Variants in ATAD3C observed in about 807,000 individuals in gnomAD.
The protein encoded by ATAD3C is ATPase family AAA domain-containing protein 3C.
Under a neutral mutation model 46.3 loss-of-function variants are expected in ATAD3C, and 38 were observed. The ratio of observed to expected loss-of-function variants is 0.82; its 90% CI spans 0.63 to 1.08. The LOEUF (loss-of-function observed/expected upper bound fraction) is 1.08. ATAD3C is among the 50% of genes least tolerant of loss of function. The pLI, the probability that ATAD3C is intolerant of heterozygous loss-of-function variation, is 0.00. For synonymous variants in ATAD3C, 220 were observed against 236.4 expected (o/e 0.93, Z 0.63); for missense variants, 563 against 572.7 (o/e 0.98, Z 0.17).
rs944765642 is a variant in ATAD3C at position 1,468,909 on chromosome 1, G to A, written c.*379G>A. On this transcript the variant is annotated 3_prime_UTR_variant, in exon 12 of 12. Transcript: ENST00000378785. ...ACACACGGTGGAGGGAAGTGCACGCGAAACAGACACAGCGGCTTCAAATAG... is the reference window on the plus strand; with the variant it reads ...ACACACGGTGGAGGGAAGTGCACGCAAAACAGACACAGCGGCTTCAAATAG... 1.2e-5 allele frequency: 3 copies of A among 255,482 alleles called. No homozygotes were observed. The Admixed American group carries it at 1.6e-4, about 14-fold the overall frequency. 15.8% of individuals were successfully genotyped at this position (255,482 alleles called of 1,614,324 possible).
Position 1,462,132 on chromosome 1 carries a change from G to A in ATAD3C, c.981-468G>A, listed in dbSNP as rs1313213766. Among the ~76,000 whole-genome samples the A allele has an allele frequency of 6.6e-6, 1 of 152,012 alleles. No homozygotes were observed. Among genetic ancestry groups the A allele is most frequent in the Non-Finnish European group, 1.5e-5 (1 of 67,970 alleles). On this transcript the variant is annotated intron_variant, in intron 10 of 11. Transcript: ENST00000378785. This position sits in a 1 kb window ranked among gnomAD's most constrained non-coding sequence, Gnocchi z 4.5. ...GCTGCTCTGTTCCAAAGAGAGCCTG[G>A]TTCTCCCCTGCCGACCCCTCCACTG...
rs1035917147 is a variant in ATAD3C at position 1,457,064 on chromosome 1, C to T, written c.690-65C>T. The T allele has an allele frequency of 5.8e-5, 93 of 1,606,520 alleles. 1 individual carries two copies. The highest frequency in any genetic ancestry group is 2.0e-4 in the Middle Eastern group (1 of 4,924). ...CTGCTTGGCCTGCTCCTGCCATGGC[C>T]GGACGCCGCTGTGGGCTGCTCCTGG... On this transcript the variant is annotated intron_variant, in intron 7 of 11. Transcript: ENST00000378785.
rs760453648 is a variant in ATAD3C at position 1,460,857 on chromosome 1, C to G, written c.920C>G (p.Ala307Gly). Reference protein sequence around the residue: ...HFDLPGQEERARLVRMYLNEY... With the variant: ...HFDLPGQEERGRLVRMYLNEY... ...GACCTGCCAGGGCAGGAGGAGCGGG[C>G]GCGCCTGGTGAGAATGTATCTTAAC... Residue 307 changes from alanine to glycine, a missense_variant, in exon 10 of 12, where the codon GCG becomes GGG. Physicochemically the swap from Ala to Gly is moderately conservative, Grantham distance 60 (BLOSUM62 0). This residue lies in a region of ATAD3C where 273 missense variants were observed against 253.5 expected (regional missense o/e 1.08). Coordinates refer to ENST00000378785, the MANE Select transcript of ATAD3C (RefSeq NM_001039211.3). 1.3e-4 allele frequency: 207 copies of G among 1,612,988 alleles called. 3 individuals carry two copies. The highest frequency in any genetic ancestry group is 1.7e-4 in the Non-Finnish European group (200 of 1,179,450).
In ATAD3C at chr1:1,459,067, G is replaced by T. The variant is rs1639014815; in HGVS notation, c.742-94G>T. 1.9e-6 allele frequency: 3 copies of T among 1,564,408 alleles called. 1 individual carries two copies. In the Admixed American group the frequency reaches 5.8e-5, roughly 30 times the overall value. Reference sequence around the variant, plus strand: ...TCCGTGAAAGTGTCGCCATGTCCCTGCTCCCTGCAGGAGGGAGGCCTGTGG... The same window carrying T: ...TCCGTGAAAGTGTCGCCATGTCCCTTCTCCCTGCAGGAGGGAGGCCTGTGG... On this transcript the variant is annotated intron_variant, in intron 8 of 11. Transcript: ENST00000378785. The surrounding 1 kb of genome is among the most constrained non-coding windows in gnomAD (Gnocchi z 4.9).
At chr1:1,468,048 A>G (rs1240725) in intron 11 of ATAD3C, among the ~76,000 whole-genome samples, 39,874 of 150,892 alleles carry the variant, frequency 0.26, 9,422 homozygotes, top group East Asian at 0.61. Flanking sequence ...GCACTGCCTG[A>G]CCACGGCTGA....
At position 1,468,716 on chromosome 1, in the gene ATAD3C, C is replaced by G; in HGVS notation, c.*186C>G. ...AACGTCCCCCTGGGGTCAAAGGTGA[C>G]AGAAAAGGCAGAAGCTGGGGCTTTC... On this transcript the variant is annotated 3_prime_UTR_variant, in exon 12 of 12. Transcript: ENST00000378785. 1 of 1,035,462 alleles carries G rather than the reference C, an allele frequency of 9.7e-7. No individual in the cohort carries two copies. Among genetic ancestry groups the G allele is most frequent in the East Asian group, 2.6e-5 (1 of 38,352 alleles). 64.1% of individuals were successfully genotyped at this position (1,035,462 alleles called of 1,614,324 possible).
rs1274814385 is a variant in ATAD3C at position 1,455,486 on chromosome 1, A to AC, written c.409dup (p.Gln137ProfsTer10). 2 of 1,612,058 alleles carry AC rather than the reference A, an allele frequency of 1.2e-6. No individual in the cohort carries two copies. Among genetic ancestry groups the AC allele is most frequent in the Non-Finnish European group, 1.7e-6 (2 of 1,179,372 alleles). ...AGGTCAGCCGGCGGCTCCTCAGTCG[A>AC]CCCCAGGACGTGCTGGAGGGTGTTG... On this transcript the variant is annotated frameshift_variant, in exon 5 of 12. Transcript: ENST00000378785. LOFTEE classifies it high-confidence loss of function.
rs368930216 is a variant in ATAD3C at position 1,455,904 on chromosome 1, G to T, written c.552G>T (p.Thr184=). The T allele has an allele frequency of 1.9e-5, 30 of 1,613,106 alleles. No homozygotes were observed. Among genetic ancestry groups the T allele is most frequent in the Non-Finnish European group, 2.5e-5 (30 of 1,179,686 alleles). The part of the protein sequence containing the change: ...LLYGPPGTGK[T]LFAKKLALHS... ...ACGGGCCACCAGGCACCGGGAAGAC[G>T]CTGTTTGCCAAGGTGAGAGTGCCTA... Residue 184 remains threonine, a synonymous_variant, in exon 6 of 12, where the codon ACG becomes ACT. Transcript: ENST00000378785.
intron 11 of ATAD3C, among the ~76,000 whole-genome samples, chr1:1,467,540 C>T (rs771213276): frequency 3.9e-5 from 6 of 152,126 alleles, no homozygotes; most frequent in East Asian, 3.9e-4. Flanking sequence ...ATCGTGGTGA[C>T]GGTGTTGTGG....
In ATAD3C at chr1:1,469,286, A is replaced by T. The variant is rs1169498083; in HGVS notation, c.*756A>T. 6.6e-5 allele frequency: 8 copies of T among 121,388 alleles called. No homozygotes were observed. Among genetic ancestry groups the T allele is most frequent in the Non-Finnish European group, 1.0e-4 (6 of 60,204 alleles). 7.5% of individuals were successfully genotyped at this position (121,388 alleles called of 1,614,324 possible). A position where few individuals can be genotyped will look rare whatever the true frequency, so the allele number is the denominator to read the frequency against. On this transcript the variant is annotated 3_prime_UTR_variant, in exon 12 of 12. Transcript: ENST00000378785. ...GGGCAACAAGAGTCAAACTCCCTCT[A>T]AAAAAAAAAAAAAAAAAAGGGCCAG...
Position 1,450,689 on chromosome 1 carries a change from A to T in ATAD3C, c.6A>T (p.Ser2=). The change falls in exon 1 of 12, where the codon TCA becomes TCT. Residue 2 remains serine, a synonymous_variant. Coordinates refer to ENST00000378785, the MANE Select transcript of ATAD3C (RefSeq NM_001039211.3). M[S]KDALNLAQMQ... is the part of the protein sequence containing the mutation. ...TGTCCCTGCATCTGCAGGCCATGTC[A>T]AAGGACGCCCTGAATCTGGCGCAGA... 6.2e-7 allele frequency: 1 copy of T among 1,612,642 alleles called. No homozygotes were observed. The highest frequency in any genetic ancestry group is 8.5e-7 in the Non-Finnish European group (1 of 1,179,246).
chr1:1,450,993 G>A (rs976223942), intron 1 of ATAD3C, among the ~76,000 whole-genome samples: 2 of 151,974 alleles, frequency 1.3e-5, no homozygotes, highest in African/African-American at 4.8e-5. Context: ...TGGTCGTCCT[G>A]AGGGCCTGGA....
chr1:1,451,956 G>GCGGT, intron 1 of ATAD3C, 90 bp from the exon 2 acceptor site: 2 of 1,546,316 alleles, frequency 1.3e-6, no homozygotes, highest in Non-Finnish European at 1.7e-6. Context: ...TTGGAGCCCT[G>GCGGT]CGGTCCTGGG....
In ATAD3C at chr1:1,462,999, G is replaced by C. The variant is rs2100489052; in HGVS notation, c.1089+291G>C. Among the ~76,000 whole-genome samples, 1 of 152,220 alleles carries C rather than the reference G, an allele frequency of 6.6e-6. No homozygotes were observed. Among genetic ancestry groups the C allele is most frequent in the South Asian group, 2.1e-4 (1 of 4,806 alleles). On this transcript the variant is annotated intron_variant, in intron 11 of 11. Coordinates refer to ENST00000378785, the MANE Select transcript of ATAD3C (RefSeq NM_001039211.3). The surrounding 1 kb of genome is among the most constrained non-coding windows in gnomAD (Gnocchi z 4.5). ...CTGCCAGGTGGGGCGGGAGGCTTCT[G>C]ATGCTCACCTTGGCAGACAGGCACC...
At position 1,467,289 on chromosome 1, in the gene ATAD3C, G is replaced by T. The variant is rs958222910; in HGVS notation, c.1090-1095G>T. Among the ~76,000 whole-genome samples the T allele has an allele frequency of 2.0e-5, 3 of 152,070 alleles. 1 individual carries two copies. The highest frequency in any genetic ancestry group is 4.4e-5 in the Non-Finnish European group (3 of 67,994). ...GCAGCCACTCGGGTGGACCCTGAGG[G>T]TCCCTGCACCTGTTTGCCCTCTCTT... On this transcript the variant is annotated intron_variant, in intron 11 of 11. Coordinates refer to ENST00000378785, the MANE Select transcript of ATAD3C (RefSeq NM_001039211.3).
chr1:1,456,954 A>G (rs1411332868), intron 7 of ATAD3C, among the ~76,000 whole-genome samples, 175 bp from the exon 8 acceptor site: 2 of 151,928 alleles, frequency 1.3e-5, no homozygotes, highest in East Asian at 3.9e-4. Flanking sequence ...TGCGGGGCAG[A>G]GTCTGCTTCT....
At chr1:1,454,296 A>G (rs758349652) in intron 3 of ATAD3C, 49 bp from the exon 4 acceptor site, 48 of 1,565,824 alleles carry the variant, frequency 3.1e-5, no homozygotes, top group Admixed American at 3.0e-4. Context: ...CTGCTCTAGG[A>G]GGGAGGGACG....
intron 7 of ATAD3C, 79 bp from the exon 8 acceptor site, chr1:1,457,050 G>T: frequency 1.3e-6 from 2 of 1,594,212 alleles, no homozygotes; most frequent in Admixed American, 1.7e-5. Flanking sequence ...TGCTTGGCCT[G>T]CTCCTGCCAT....
intron 1 of ATAD3C, among the ~76,000 whole-genome samples, chr1:1,451,616 G>T (rs1265676567): frequency 6.6e-6 from 1 of 152,130 alleles, no homozygotes; most frequent in Non-Finnish European, 1.5e-5. Flanking sequence ...AAAGTGCTGG[G>T]ATTACAGGTG....
Sources: allele counts gnomAD v4.1 joint callset (sites outside exome capture counted in the v4.1 genomes callset), GRCh38; gene constraint gnomAD v4.1.1; regional missense constraint gnomAD v4.1.1; non-coding constraint Gnocchi (gnomAD v3.1); transcripts MANE v1.5; gene names NCBI Gene and HGNC (gene_info 2026-07-23, HGNC 2026-07-21).